ATRNL1: variants seen among roughly 807,000 people sequenced by gnomAD.
The protein encoded by ATRNL1 is attractin-like protein 1.
Under a neutral mutation model 182.7 loss-of-function variants are expected in ATRNL1, and 95 were observed. The observed-to-expected ratio is 0.52, with a 90% CI of 0.44 to 0.62. The LOEUF is 0.62. Ranked by LOEUF, ATRNL1 falls within the 20% of genes least tolerant of loss-of-function variation. ATRNL1 has a pLI of 0.00. For synonymous variants in ATRNL1, 576 were observed against 568.3 expected (o/e 1.01, Z -0.19); for missense variants, 1,471 against 1,679.5 (o/e 0.88, Z 2.17).
At chr10:115,668,649 C>A (rs1231667523) in intron 26 of ATRNL1, among the ~76,000 whole-genome samples, 1 of 152,130 alleles carries the variant, frequency 6.6e-6, no homozygotes, top group Non-Finnish European at 1.5e-5. Context: ...TGTTCAGTAT[C>A]AATGTCAGTA....
chr10:115,640,731 C>T (rs962812475), intron 26 of ATRNL1, among the ~76,000 whole-genome samples: 1 of 152,038 alleles, frequency 6.6e-6, no homozygotes, highest in Non-Finnish European at 1.5e-5. Flanking sequence ...GTTGCCTGTT[C>T]GCTGATGATA....
At chr10:115,707,956 C>G (rs1170859753) in intron 26 of ATRNL1, among the ~76,000 whole-genome samples, 1 of 151,706 alleles carries the variant, frequency 6.6e-6, no homozygotes, top group Non-Finnish European at 1.5e-5. Context: ...TCTTAATACT[C>G]TTGCCAAAGT....
intron 26 of ATRNL1, among the ~76,000 whole-genome samples, chr10:115,670,684 A>T (rs546554246): frequency 4.6e-5 from 7 of 152,244 alleles, no homozygotes; most frequent in African/African-American, 1.7e-4. Flanking sequence ...CTCTTTCTCA[A>T]CATTGATTAG....
intron 15 of ATRNL1, among the ~76,000 whole-genome samples, chr10:115,289,483 A>G (rs1852787871): frequency 6.6e-6 from 1 of 151,904 alleles, no homozygotes; most frequent in African/African-American, 2.4e-5. Flanking sequence ...GTTTTTTCAT[A>G]TGTTTTCTTC....
intron 28 of ATRNL1, among the ~76,000 whole-genome samples, chr10:115,903,072 A>C (rs1952401410): frequency 6.6e-6 from 1 of 152,150 alleles, no homozygotes; most frequent in Admixed American, 6.5e-5. Flanking sequence ...TGAAAGTTTT[A>C]AATTTTAAAT....
Position 115,093,984 on chromosome 10 carries a change from C to T in ATRNL1, c.234C>T (p.Thr78=). The change falls in exon 1 of 29, where the codon ACC becomes ACT. Residue 78 remains threonine (T), a synonymous_variant. Coordinates refer to ENST00000355044, the MANE Select transcript of ATRNL1 (RefSeq NM_207303.4). This position sits in a 1 kb window ranked among gnomAD's most constrained non-coding sequence, Gnocchi z 6.1. ...SCFSGRCVNS[T]CLCDPGWVGD... is the part of the protein sequence containing the mutation. ...TCTCGGGCCGCTGTGTCAACTCCACCTGCCTCTGCGACCCGGGCTGGGTGG... is the reference window on the plus strand; with the variant it reads ...TCTCGGGCCGCTGTGTCAACTCCACTTGCCTCTGCGACCCGGGCTGGGTGG... 1.3e-6 allele frequency: 2 copies of T among 1,585,970 alleles called. No homozygotes were observed. Among genetic ancestry groups the T allele is most frequent in the East Asian group, 2.4e-5 (1 of 42,112 alleles).
At chr10:115,105,271 C>G (rs977190765) in intron 1 of ATRNL1, among the ~76,000 whole-genome samples, 2 of 151,978 alleles carry the variant, frequency 1.3e-5, no homozygotes, top group African/African-American at 4.8e-5. Flanking sequence ...CTTTGAACTT[C>G]AGCGAGATGA....
chr10:115,841,811 T>G (rs143451884), intron 27 of ATRNL1, among the ~76,000 whole-genome samples: 160 of 152,194 alleles, frequency 1.1e-3, no homozygotes, highest in Middle Eastern at 6.8e-3. Flanking sequence ...AATCGGAGAA[T>G]CTGTTTTTGA....
intron 26 of ATRNL1, chr10:115,597,937 A>G (rs1370754376): frequency 6.0e-6 from 1 of 167,510 alleles, no homozygotes; most frequent in Non-Finnish European, 1.3e-5. Context: ...AACTCGTGAT[A>G]TATAGATTAT....
intron 17 of ATRNL1, among the ~76,000 whole-genome samples, chr10:115,312,498 T>C (rs1221786498): frequency 1.3e-5 from 2 of 152,190 alleles, no homozygotes; most frequent in African/African-American, 2.4e-5. Flanking sequence ...AAGTTTTTCT[T>C]TATAGATTAT....
At chr10:115,175,687 C>A (rs1453751339) in intron 8 of ATRNL1, among the ~76,000 whole-genome samples, 1 of 152,022 alleles carries the variant, frequency 6.6e-6, no homozygotes, top group Non-Finnish European at 1.5e-5. Flanking sequence ...CAAAACCCAA[C>A]AAATTTTTTA....
At chr10:115,527,859 C>G (rs868963295) in intron 25 of ATRNL1, among the ~76,000 whole-genome samples, 1 of 113,612 alleles carries the variant, frequency 8.8e-6, no homozygotes, top group South Asian at 3.8e-4. Flanking sequence ...CTTATCCTTC[C>G]TTCCTTCTTT....
intron 15 of ATRNL1, among the ~76,000 whole-genome samples, chr10:115,291,370 G>A (rs1277861899): frequency 6.6e-6 from 1 of 152,134 alleles, no homozygotes; most frequent in Non-Finnish European, 1.5e-5. Flanking sequence ...TGGTGAGAAT[G>A]GGTATCCTTG....
chr10:115,794,585 T>G (rs1949606413), intron 27 of ATRNL1, among the ~76,000 whole-genome samples: 1 of 152,192 alleles, frequency 6.6e-6, no homozygotes, highest in Non-Finnish European at 1.5e-5. Flanking sequence ...AGAATGTCCC[T>G]CAATTTGGAT....
rs117022664 is a variant in ATRNL1, at chr10:115,158,296, G to A, written c.830-1744G>A. ...GGCAAACTTTTCTGTAAAAGGCCAG[G>A]TAGTAAATACTTTTTCTTTGCAAGT... On this transcript the variant is annotated intron_variant, in intron 5 of 28. Transcript: ENST00000355044. 6.0e-3 allele frequency among the ~76,000 whole-genome samples: 914 copies of A among 152,042 alleles called. 3 individuals are homozygous for A. Among genetic ancestry groups the A allele is most frequent in the Non-Finnish European group, 9.2e-3 (627 of 67,906 alleles).
intron 1 of ATRNL1, among the ~76,000 whole-genome samples, chr10:115,106,179 G>A (rs1844001809): frequency 1.3e-5 from 2 of 152,210 alleles, no homozygotes; most frequent in Admixed American, 1.3e-4. Context: ...TGGAGTCAAA[G>A]GAGATCATTT....
At chr10:115,647,690 C>A (rs539989454) in intron 26 of ATRNL1, among the ~76,000 whole-genome samples, 1 of 152,162 alleles carries the variant, frequency 6.6e-6, no homozygotes, top group South Asian at 2.1e-4. Context: ...TTTGTAGATT[C>A]TTCATATTAG....
intron 26 of ATRNL1, among the ~76,000 whole-genome samples, chr10:115,632,997 A>G (rs1858616429): frequency 6.6e-6 from 1 of 151,924 alleles, no homozygotes; most frequent in Non-Finnish European, 1.5e-5. Context: ...GATTTAAATG[A>G]TTCTCATGCC....
At chr10:115,387,136 G>A (rs1263310819) in intron 19 of ATRNL1, among the ~76,000 whole-genome samples, 1 of 151,930 alleles carries the variant, frequency 6.6e-6, no homozygotes, top group Non-Finnish European at 1.5e-5. Flanking sequence ...GTAGGGACAT[G>A]GATGAAATTG....
Sources: gnomAD v4.1 joint callset for allele counts (sites outside exome capture counted in the v4.1 genomes callset) on GRCh38, gnomAD v4.1.1 for gene constraint, Gnocchi (gnomAD v3.1) non-coding constraint, MANE v1.5 for transcripts, NCBI Gene and HGNC (gene_info 2026-07-23, HGNC 2026-07-21) for gene names.